The following GPM6A variants were observed in gnomAD, a reference collection of about 807,000 sequenced individuals.
GPM6A encodes neuronal membrane glycoprotein M6-a.
GPM6A carries 7 observed loss-of-function variants against 32.1 expected under a neutral mutation model. That is an observed-to-expected ratio of 0.22 (90% CI 0.12 to 0.41). GPM6A has a LOEUF of 0.41. Among genes scored for constraint, GPM6A ranks in the 10% least tolerant of loss-of-function variants. The probability of loss-of-function intolerance (pLI) is 1.00; values close to 1 mark genes in which losing one functional copy is unlikely to be tolerated. For missense variants in GPM6A, 235 were observed against 347.2 expected, an observed-to-expected ratio of 0.68 and a Z score of 2.57; for synonymous variants, 130 against 123.4, an observed-to-expected ratio of 1.05 and a Z score of -0.35.
intron 1 of GPM6A, among the ~76,000 whole-genome samples, chr4:175,764,149 T>C (rs1732865653): frequency 6.6e-6 from 1 of 152,186 alleles, no homozygotes; most frequent in Non-Finnish European, 1.5e-5. Context: ...AAATTTTGTA[T>C]CCATTAAGCA....
intron 1 of GPM6A, among the ~76,000 whole-genome samples, chr4:175,851,979 A>T (rs1560965057): frequency 2.0e-5 from 3 of 152,198 alleles, no homozygotes; most frequent in African/African-American, 7.2e-5. Flanking sequence ...TGTTAGCCCC[A>T]GGAAGTGACT....
intron 1 of GPM6A, among the ~76,000 whole-genome samples, chr4:175,770,795 T>C (rs1255539252): frequency 1.3e-5 from 2 of 152,106 alleles, no homozygotes; most frequent in East Asian, 1.9e-4. Context: ...TATCCAGATA[T>C]ACTTCGATGG....
chr4:175,822,271 A>G (rs1248765189), intron 1 of GPM6A, among the ~76,000 whole-genome samples: 1 of 152,152 alleles, frequency 6.6e-6, no homozygotes, highest in Non-Finnish European at 1.5e-5. Context: ...AATTGCTTTA[A>G]TTTCAATTTA....
chr4:175,789,366 A>G (rs1045470896), intron 1 of GPM6A, among the ~76,000 whole-genome samples: 10 of 152,186 alleles, frequency 6.6e-5, no homozygotes, highest in African/African-American at 2.4e-4. Flanking sequence ...TAAAATTAAA[A>G]CATGTCCCCT....
chr4:175,822,441 A>T (rs966496591), intron 1 of GPM6A, among the ~76,000 whole-genome samples: 7 of 152,180 alleles, frequency 4.6e-5, no homozygotes, highest in Non-Finnish European at 7.4e-5. Context: ...GCAGTTAATG[A>T]TTACATAAGT....
intron 1 of GPM6A, among the ~76,000 whole-genome samples, chr4:175,965,996 TA>T (rs1196523893): frequency 1.3e-5 from 2 of 152,148 alleles, no homozygotes; most frequent in Non-Finnish European, 2.9e-5. Context: ...ACAAATTTGA[TA>T]ACCAAAATGA....
At chr4:175,954,332 A>G (rs1739914103) in intron 1 of GPM6A, among the ~76,000 whole-genome samples, 1 of 152,190 alleles carries the variant, frequency 6.6e-6, no homozygotes, top group Non-Finnish European at 1.5e-5. Context: ...GCACAGCTCT[A>G]GTGGCTAAGG....
chr4:175,965,547 TTAAC>T (rs1740306763), intron 1 of GPM6A, among the ~76,000 whole-genome samples: 1 of 150,992 alleles, frequency 6.6e-6, no homozygotes. Context: ...TCTAGTTAGG[TTAAC>T]TAAGGAAAAA....
rs1560841990 is a variant in GPM6A, at chr4:175,637,299, A to ATATATAATATATAATATATAATATATAT, written c.685-2243_685-2242insATATATATTATATATTATATATTATATA. Among the ~76,000 whole-genome samples the ATATATAATATATAATATATAATATATAT allele has an allele frequency of 1.6e-3, 62 of 39,592 alleles. 6 individuals carry two copies. The highest frequency in any genetic ancestry group is 9.6e-3 in the South Asian group (12 of 1,244). 26.0% of individuals were successfully genotyped at this position (39,592 alleles called of 152,430 possible). A position where few individuals can be genotyped will look rare whatever the true frequency, so the allele number is the denominator to read the frequency against. On this transcript the variant is annotated intron_variant, in intron 6 of 6. Transcript: ENST00000393658. ...TTATATATTATATAAAATATATATTATATATTATATATAATATAAAATATA... is the reference window on the plus strand; with the variant it reads ...TTATATATTATATAAAATATATATTATATATAATATATAATATATAATATATATTATATTATATATAATATAAAATATA...
At chr4:175,990,870 G>T (rs1195311911) in intron 1 of GPM6A, among the ~76,000 whole-genome samples, 4 of 152,032 alleles carry the variant, frequency 2.6e-5, no homozygotes, top group African/African-American at 9.7e-5. Flanking sequence ...GCTGTGAAAT[G>T]AATGAAATTA....
intron 4 of GPM6A, among the ~76,000 whole-genome samples, chr4:175,648,136 T>C (rs75019272): frequency 0.051 from 7,692 of 151,828 alleles, 323 homozygotes; most frequent in East Asian, 0.24. Flanking sequence ...AAAAAGACAA[T>C]CAGAGGTATG....
intron 1 of GPM6A, among the ~76,000 whole-genome samples, chr4:175,778,486 G>A (rs145147596): frequency 0.051 from 7,731 of 151,696 alleles, 279 homozygotes; most frequent in Non-Finnish European, 0.079. Context: ...TTAGCTGGGC[G>A]TGGTGGCGTG....
At chr4:175,971,534 C>G (rs1172797081) in intron 1 of GPM6A, among the ~76,000 whole-genome samples, 1 of 152,070 alleles carries the variant, frequency 6.6e-6, no homozygotes, top group African/African-American at 2.4e-5. Context: ...CTAAATTAGC[C>G]CCCTCCCTCT....
chr4:175,683,842 T>A (rs950358505), intron 2 of GPM6A, among the ~76,000 whole-genome samples: 1 of 152,056 alleles, frequency 6.6e-6, no homozygotes, highest in Non-Finnish European at 1.5e-5. Flanking sequence ...ATACTTTTTT[T>A]TTTTTTGAGA....
At chr4:175,848,722 A>G (rs1164458953) in intron 1 of GPM6A, among the ~76,000 whole-genome samples, 1 of 152,112 alleles carries the variant, frequency 6.6e-6, no homozygotes, top group Non-Finnish European at 1.5e-5. Flanking sequence ...AAATTTCAAG[A>G]GATAATGTAT....
At chr4:175,642,428 C>T (rs1741202219) in intron 4 of GPM6A, among the ~76,000 whole-genome samples, 1 of 152,160 alleles carries the variant, frequency 6.6e-6, no homozygotes, top group Non-Finnish European at 1.5e-5. Context: ...CCTTTCCTTT[C>T]ATTTCTACTT....
At chr4:175,773,928 T>TA (rs201315630) in intron 1 of GPM6A, among the ~76,000 whole-genome samples, 3,072 of 152,258 alleles carry the variant, frequency 0.02, 55 homozygotes, top group Non-Finnish European at 0.031. Flanking sequence ...TCATAAATAT[T>TA]AAAAAATACA....
chr4:175,880,587 G>A (rs1737241140), intron 1 of GPM6A, among the ~76,000 whole-genome samples: 1 of 152,054 alleles, frequency 6.6e-6, no homozygotes, highest in African/African-American at 2.4e-5. Flanking sequence ...CAGTTCTCCT[G>A]GAAGAGGGCC....
At chr4:175,940,643 G>A (rs1739376720) in intron 1 of GPM6A, among the ~76,000 whole-genome samples, 1 of 151,744 alleles carries the variant, frequency 6.6e-6, no homozygotes, top group African/African-American at 2.4e-5. Context: ...GTGTCACTCT[G>A]TCGCCCAGGC....
Sources: gnomAD v4.1 joint callset for allele counts (sites outside exome capture counted in the v4.1 genomes callset) on GRCh38, gnomAD v4.1.1 for gene constraint, MANE v1.5 for transcripts, NCBI Gene and HGNC (gene_info 2026-07-23, HGNC 2026-07-21) for gene names.